NXPE2: variants seen among roughly 807,000 people sequenced by gnomAD.
NXPE2 encodes the protein NXPE family member 2.
NXPE2 carries 34 observed loss-of-function variants against 34.4 expected under a neutral mutation model. The observed-to-expected ratio is 0.99, with a 90% CI of 0.75 to 1.31. The LOEUF (loss-of-function observed/expected upper bound fraction) is 1.31. Ranked by LOEUF, NXPE2 falls within the 40% of genes most tolerant of loss-of-function variation. The pLI, the probability that NXPE2 is intolerant of heterozygous loss-of-function variation, is 0.00. For missense variants in NXPE2, 649 were observed against 672.5 expected (o/e 0.97, Z 0.39); for synonymous variants, 235 against 231.3 (o/e 1.02, Z -0.15).
At chr11:114,796,995 C>CTGGAGATGTAAACGGAATCTGTGTTAA in the NXPE2 span, among the ~76,000 whole-genome samples, 1 of 152,182 alleles carries the variant, frequency 6.6e-6, no homozygotes, top group South Asian at 2.1e-4. Flanking sequence ...GCACAGAAAG[C>CTGGAGATGTAAACGGAATCTGTGTTAA]TGGAGATGTA....
chr11:114,631,605 A>C, the NXPE2 span, among the ~76,000 whole-genome samples: 3 of 151,882 alleles, frequency 2.0e-5, no homozygotes, highest in Non-Finnish European at 4.4e-5. Context: ...GCGCACCAGC[A>C]TGGCACATGT....
At chr11:114,580,968 C>G in the NXPE2 span, among the ~76,000 whole-genome samples, 46 of 152,252 alleles carry the variant, frequency 3.0e-4, no homozygotes, top group Non-Finnish European at 5.3e-4. Context: ...GATTATTAAT[C>G]AACTGAGAGA....
At chr11:114,752,967 T>G in the NXPE2 span, among the ~76,000 whole-genome samples, 13 of 152,116 alleles carry the variant, frequency 8.5e-5, no homozygotes, top group African/African-American at 3.1e-4. Context: ...TTGAACACAC[T>G]AAGATTTGGA....
chr11:114,740,925 G>A, the NXPE2 span, among the ~76,000 whole-genome samples: 1 of 152,036 alleles, frequency 6.6e-6, no homozygotes, highest in Non-Finnish European at 1.5e-5. Flanking sequence ...TAATGACATT[G>A]TCTCTTGTGA....
chr11:114,678,377 C>T, upstream of NXPE2: 1 of 471,202 alleles, frequency 2.1e-6, no homozygotes, highest in East Asian at 3.4e-5. Context: ...TTCCTTCTGG[C>T]TCTGTGGTGT....
chr11:114,615,224 C>T, the NXPE2 span, among the ~76,000 whole-genome samples: 8 of 151,962 alleles, frequency 5.3e-5, no homozygotes, highest in Non-Finnish European at 1.0e-4. Context: ...CTAAGTATCG[C>T]CTCTTGGGTA....
chr11:114,645,659 TC>T, the NXPE2 span, among the ~76,000 whole-genome samples: 1 of 151,480 alleles, frequency 6.6e-6, no homozygotes. Context: ...AGCAAAGAAC[TC>T]CTCCAAAGTA....
chr11:114,602,819 A>G, the NXPE2 span, among the ~76,000 whole-genome samples: 1 of 146,688 alleles, frequency 6.8e-6, no homozygotes, highest in Non-Finnish European at 1.5e-5. Flanking sequence ...AGAATCATAT[A>G]TAATAATTAT....
At chr11:114,548,743 G>T in the NXPE2 span, among the ~76,000 whole-genome samples, 291 of 151,812 alleles carry the variant, frequency 1.9e-3, no homozygotes, top group African/African-American at 6.8e-3. Context: ...CAGTTAAAAA[G>T]TTAGAAAAAG....
At chr11:114,691,758 G>A (rs1187930247) in intron 2 of NXPE2, among the ~76,000 whole-genome samples, 2 of 152,326 alleles carry the variant, frequency 1.3e-5, no homozygotes, top group South Asian at 4.1e-4. Context: ...TTGACCCAAG[G>A]GGGGCTTTGG....
chr11:114,710,898 C>G (rs1249542962), downstream of NXPE2, among the ~76,000 whole-genome samples: 1 of 151,982 alleles, frequency 6.6e-6, no homozygotes, highest in African/African-American at 2.4e-5. Flanking sequence ...TATACCATGA[C>G]CAAATGGCAA....
the NXPE2 span, among the ~76,000 whole-genome samples, chr11:114,799,311 A>AAAAAAAG: frequency 4.2e-4 from 56 of 132,956 alleles, 1 homozygote; most frequent in East Asian, 6.7e-4. Flanking sequence ...AAAAAAAAAA[A>AAAAAAAG]AAAATTGGTG....
intron 1 of NXPE2, 41 bp from the exon 2 acceptor site, chr11:114,679,615 TA>T: frequency 8.0e-7 from 1 of 1,250,300 alleles, no homozygotes; most frequent in East Asian, 2.5e-5. Flanking sequence ...ATGTCGTACT[TA>T]TTTGATTTAA....
At chr11:114,679,992 T>C (rs1047119478) in intron 2 of NXPE2, among the ~76,000 whole-genome samples, 2 of 152,174 alleles carry the variant, frequency 1.3e-5, no homozygotes, top group Non-Finnish European at 2.9e-5. Context: ...AAATGGCAGA[T>C]GGATTTGTGC....
chr11:114,589,895 T>C, the NXPE2 span, among the ~76,000 whole-genome samples: 1 of 152,178 alleles, frequency 6.6e-6, no homozygotes, highest in African/African-American at 2.4e-5. Flanking sequence ...GAGGCCATAG[T>C]CTCAATCCAT....
chr11:114,473,897 G>A, the NXPE2 span, among the ~76,000 whole-genome samples: 1 of 152,128 alleles, frequency 6.6e-6, no homozygotes, highest in Non-Finnish European at 1.5e-5. Context: ...ATAGCTCAGA[G>A]GTTGACAGAA....
At chr11:114,626,055 C>A in the NXPE2 span, among the ~76,000 whole-genome samples, 1 of 152,180 alleles carries the variant, frequency 6.6e-6, no homozygotes, top group African/African-American at 2.4e-5. Flanking sequence ...ATTGCTAGCA[C>A]AGCAGTCTGA....
At chr11:114,755,703 T>A in the NXPE2 span, among the ~76,000 whole-genome samples, 314 of 151,502 alleles carry the variant, frequency 2.1e-3, no homozygotes, top group African/African-American at 7.4e-3. Context: ...TATCCATCTA[T>A]CTATCCATCT....
At chr11:114,808,406 C>T in the NXPE2 span, among the ~76,000 whole-genome samples, 1 of 150,998 alleles carries the variant, frequency 6.6e-6, no homozygotes, top group Non-Finnish European at 1.5e-5. Flanking sequence ...AATCCAGGAG[C>T]TGGTTTTTTG....
Sources: gnomAD v4.1 joint callset for allele counts (sites outside exome capture counted in the v4.1 genomes callset) on GRCh38, gnomAD v4.1.1 for gene constraint, MANE v1.5 for transcripts, NCBI Gene and HGNC (gene_info 2026-07-23, HGNC 2026-07-21) for gene names.